Variants in EVA1A observed in about 807,000 individuals in gnomAD.
EVA1A encodes protein eva-1 homolog A.
In EVA1A, 7 loss-of-function variants were observed where a neutral mutation model predicts 9.8. That is an observed-to-expected ratio of 0.71 (90% CI 0.41 to 1.34). EVA1A has a LOEUF of 1.34. Ranked by LOEUF, EVA1A falls within the 40% of genes most tolerant of loss-of-function variation. EVA1A has a pLI of 0.01. For missense variants in EVA1A, 206 were observed against 205.9 expected (o/e 1.00, Z 0.00); for synonymous variants, 90 against 85.6 (o/e 1.05, Z -0.28).
At chr2:75,501,525 G>A (rs1157149255) in intron 3 of EVA1A, among the ~76,000 whole-genome samples, 3 of 152,186 alleles carry the variant, frequency 2.0e-5, no homozygotes, top group Admixed American at 2.0e-4. Flanking sequence ...TTAGAAATGA[G>A]TTTGTACTGC....
chr2:75,526,989 A>G (rs977024150), intron 1 of EVA1A, among the ~76,000 whole-genome samples: 1 of 152,170 alleles, frequency 6.6e-6, no homozygotes, highest in Admixed American at 6.5e-5. Context: ...CAAGGAGATG[A>G]GGTAGCTGAA....
At chr2:75,522,242 A>G (rs1675256263) in intron 2 of EVA1A, 123 bp downstream of exon 2, 1 of 152,194 alleles carries the variant, frequency 6.6e-6, no homozygotes, top group Non-Finnish European at 1.5e-5. Flanking sequence ...TTGGCTATCA[A>G]AGTGTCCAAA....
chr2:75,512,073 C>G (rs900374072), intron 3 of EVA1A, among the ~76,000 whole-genome samples: 1 of 151,430 alleles, frequency 6.6e-6, no homozygotes, highest in Non-Finnish European at 1.5e-5. Context: ...TTATGGGGTA[C>G]CCAAAGGTGA....
intron 3 of EVA1A, chr2:75,517,672 C>T: frequency 1.6e-6 from 1 of 634,200 alleles, no homozygotes; most frequent in Non-Finnish European, 2.9e-6. Context: ...CCCACACACA[C>T]AGTCTCACAC....
chr2:75,551,101 G>A (rs766821417), intron 1 of EVA1A, among the ~76,000 whole-genome samples: 3 of 151,962 alleles, frequency 2.0e-5, no homozygotes, highest in African/African-American at 4.8e-5. Context: ...CAGCCTGGGC[G>A]ACAGAGCAAG....
chr2:75,523,101 C>T (rs1675289116), intron 1 of EVA1A, among the ~76,000 whole-genome samples: 1 of 152,140 alleles, frequency 6.6e-6, no homozygotes, highest in South Asian at 2.1e-4. Flanking sequence ...TTGAGCTGTC[C>T]CCACTTCACG....
rs531876520 is a variant in EVA1A at position 75,551,465 on chromosome 2, C to T, written c.-192+9215G>A. 5.3e-5 allele frequency among the ~76,000 whole-genome samples: 8 copies of T among 152,310 alleles called. No individual in the cohort carries two copies. In the South Asian group the frequency reaches 1.0e-3, roughly 20 times the overall value. ...CCCTCTCCTGGAAACTCTCCTCTTC[C>T]GCATCCCAGTCTCCCATTTCCTCCT... On this transcript the variant is annotated intron_variant, in intron 1 of 3. Coordinates refer to ENST00000393913, the MANE Select transcript of EVA1A (RefSeq NM_001135032.2).
intron 3 of EVA1A, among the ~76,000 whole-genome samples, chr2:75,500,283 T>C (rs905472984): frequency 2.0e-5 from 3 of 152,238 alleles, no homozygotes; most frequent in Non-Finnish European, 4.4e-5. Context: ...TGTCAGCTGA[T>C]AAATCAAAAT....
intron 1 of EVA1A, among the ~76,000 whole-genome samples, chr2:75,531,615 C>A (rs1675652047): frequency 6.6e-6 from 1 of 151,984 alleles, no homozygotes. Context: ...TTCTTAGCAA[C>A]CTGGATGGAG....
At position 75,493,465 on chromosome 2, in the gene EVA1A, C is replaced by G. The variant is rs756561007; in HGVS notation, c.230G>C (p.Ser77Thr). 1 of 1,614,162 alleles carries G rather than the reference C, an allele frequency of 6.2e-7. No homozygotes were observed. The highest frequency in any genetic ancestry group is 1.7e-5 in the Admixed American group (1 of 60,032). Residue 77 changes from serine to threonine, a missense_variant, in exon 4 of 4, where the codon AGC becomes ACC. Transcript: ENST00000393913. ...CTCGCTGTCGCTGCTGTCGCTGCTG[C>G]TCTCTCTGTCCTGCAGGAACTTCTT... Reference protein sequence around the residue: ...PGKKFLQDRESSSDSSDSEDG... With the variant: ...PGKKFLQDRETSSDSSDSEDG...
In EVA1A at chr2:75,518,076, G is replaced by A. The variant is rs560233570; in HGVS notation, c.65C>T (p.Ala22Val). 87 of 1,614,106 alleles carry A rather than the reference G, an allele frequency of 5.4e-5. 2 individuals are homozygous for A. The Middle Eastern group carries it at 4.6e-3, about 86-fold the overall frequency. The change falls in exon 3 of 4, where the codon GCG (alanine) becomes GTG (valine). Residue 22 changes from alanine to valine, a missense_variant. By Grantham distance (64) the Ala-to-Val change is moderately conservative. Transcript: ENST00000393913. Reference protein sequence around the residue: ...VEMALLSNILAAYSFVSENPE... With the variant: ...VEMALLSNILVAYSFVSENPE... ...CCTACCTGAGACAAAGGAATAGGCC[G>A]CTAGGATGTTGCTGAGCAAAGCCAT...
At chr2:75,494,000 C>T (rs551570127) in intron 3 of EVA1A, among the ~76,000 whole-genome samples, 49 of 152,190 alleles carry the variant, frequency 3.2e-4, no homozygotes, top group Non-Finnish European at 6.6e-4. Flanking sequence ...AGAATTTGCT[C>T]ATACACCCCC....
chr2:75,544,040 T>C (rs946507367), intron 1 of EVA1A, among the ~76,000 whole-genome samples: 5 of 152,244 alleles, frequency 3.3e-5, no homozygotes, highest in African/African-American at 1.2e-4. Flanking sequence ...TAGACCCCAG[T>C]GGTTTACATG....
chr2:75,558,137 G>A (rs1424541749), intron 1 of EVA1A, among the ~76,000 whole-genome samples: 5 of 152,184 alleles, frequency 3.3e-5, no homozygotes, highest in African/African-American at 1.2e-4. Flanking sequence ...AACTGTAAAG[G>A]ACATTATAGG....
Position 75,544,395 on chromosome 2 carries a change from T to C in EVA1A, c.-192+16285A>G, listed in dbSNP as rs77433670. 2.6e-3 allele frequency among the ~76,000 whole-genome samples: 403 copies of C among 152,286 alleles called. 1 individual carries two copies. The highest frequency in any genetic ancestry group is 9.3e-3 in the African/African-American group (385 of 41,544). ...CCATGGTAAGTATTACCAGTAGCAT[T>C]ATTATTAGTATTATTAGCATTACTA... On this transcript the variant is annotated intron_variant, in intron 1 of 3. Transcript: ENST00000393913.
At chr2:75,548,983 A>AAAATAT (rs377340236) in intron 1 of EVA1A, among the ~76,000 whole-genome samples, 13 of 133,686 alleles carry the variant, frequency 9.7e-5, no homozygotes, top group African/African-American at 3.7e-4. Context: ...CTAAATGAAA[A>AAAATAT]ATATATATAT....
intron 1 of EVA1A, among the ~76,000 whole-genome samples, chr2:75,567,841 T>C (rs1677056154): frequency 6.6e-6 from 1 of 152,244 alleles, no homozygotes; most frequent in Admixed American, 6.5e-5. Context: ...TCTGATGGAG[T>C]TTGGGATCTA....
At chr2:75,553,706 G>T (rs1260455416) in intron 1 of EVA1A, among the ~76,000 whole-genome samples, 1 of 152,204 alleles carries the variant, frequency 6.6e-6, no homozygotes, top group Admixed American at 6.5e-5. Context: ...ATTGTCTTCT[G>T]AAGTTCCACA....
intron 3 of EVA1A, among the ~76,000 whole-genome samples, chr2:75,496,372 A>C (rs1320560629): frequency 6.6e-6 from 1 of 152,158 alleles, no homozygotes; most frequent in African/African-American, 2.4e-5. Context: ...AATCAGTAGG[A>C]TTTCTATGCA....
Sources: allele counts gnomAD v4.1 joint callset (sites outside exome capture counted in the v4.1 genomes callset), GRCh38; gene constraint gnomAD v4.1.1; transcripts MANE v1.5; gene names NCBI Gene and HGNC (gene_info 2026-07-23, HGNC 2026-07-21).